LRRIQ3: variants seen among roughly 807,000 people sequenced by gnomAD.
LRRIQ3 encodes leucine rich repeats and IQ motif containing 3, also known as leucine-rich repeat and IQ domain-containing protein 3.
A neutral mutation model predicts 59.3 loss-of-function variants in LRRIQ3; 75 were observed. The observed-to-expected ratio is 1.26, with a 90% CI of 1.05 to 1.53. The LOEUF (loss-of-function observed/expected upper bound fraction) is 1.53. Among genes scored for constraint, LRRIQ3 ranks in the 40% most tolerant of loss-of-function variants. The pLI is 0.00. For synonymous variants in LRRIQ3, 250 were observed against 231.3 expected, an observed-to-expected ratio of 1.08 and a Z score of -0.73; for missense variants, 831 against 710.0, an observed-to-expected ratio of 1.17 and a Z score of -1.94.
At chr1:74,164,502 T>C (rs1648854434) in intron 3 of LRRIQ3, among the ~76,000 whole-genome samples, 1 of 151,472 alleles carries the variant, frequency 6.6e-6, no homozygotes. Flanking sequence ...TCCAGAATTG[T>C]AAATAAATAA....
At chr1:74,174,032 G>C (rs1362122862) in intron 3 of LRRIQ3, among the ~76,000 whole-genome samples, 1 of 151,922 alleles carries the variant, frequency 6.6e-6, no homozygotes, top group Non-Finnish European at 1.5e-5. Context: ...AGATTTTTGG[G>C]CTGCCTAAGT....
intron 7 of LRRIQ3, among the ~76,000 whole-genome samples, chr1:74,030,513 A>G (rs911503286): frequency 5.9e-5 from 9 of 152,100 alleles, no homozygotes; most frequent in African/African-American, 2.2e-4. Flanking sequence ...AATGGGGAAA[A>G]GATTCCCTAT....
chr1:74,027,063 T>C, intron 7 of LRRIQ3, 94 bp from the exon 8 acceptor site: 2 of 823,254 alleles, frequency 2.4e-6, no homozygotes, highest in Non-Finnish European at 3.6e-6. Context: ...ATTAGATGTC[T>C]TCGAAATAGG....
intron 5 of LRRIQ3, among the ~76,000 whole-genome samples, chr1:74,092,302 G>A (rs1646403162): frequency 6.6e-6 from 1 of 152,074 alleles, no homozygotes; most frequent in Non-Finnish European, 1.5e-5. Flanking sequence ...CCTGAGAGGT[G>A]AACAAACATA....
intron 4 of LRRIQ3, among the ~76,000 whole-genome samples, chr1:74,117,938 C>T (rs530503193): frequency 6.6e-6 from 1 of 151,814 alleles, no homozygotes; most frequent in South Asian, 2.1e-4. Flanking sequence ...TTGTCCCTAT[C>T]TTTTTATAAT....
At chr1:74,090,855 C>T (rs1166803599) in intron 5 of LRRIQ3, among the ~76,000 whole-genome samples, 1 of 151,952 alleles carries the variant, frequency 6.6e-6, no homozygotes, top group Admixed American at 6.6e-5. Flanking sequence ...GAATGTGTTA[C>T]TTCACTCCAG....
In LRRIQ3 at chr1:74,171,460, A is replaced by G. The variant is rs116594491; in HGVS notation, c.573+11078T>C. Among the ~76,000 whole-genome samples the G allele has an allele frequency of 3.0e-3, 462 of 152,280 alleles. 1 individual carries two copies. The highest frequency in any genetic ancestry group is 0.01 in the African/African-American group (436 of 41,568). ...TGGTGCATCACATTGATTGATTTGCATAGGTTGAACCATCCATGGCTCCCA... is the reference window on the plus strand; with the variant it reads ...TGGTGCATCACATTGATTGATTTGCGTAGGTTGAACCATCCATGGCTCCCA... On this transcript the variant is annotated intron_variant, in intron 3 of 7. Transcript: ENST00000354431.
intron 6 of LRRIQ3, among the ~76,000 whole-genome samples, chr1:74,053,850 CA>C (rs1166368001): frequency 2.0e-5 from 3 of 152,072 alleles, no homozygotes; most frequent in Non-Finnish European, 4.4e-5. Context: ...GGCCAAAATT[CA>C]AAACATTGAC....
chr1:74,167,844 CCTT>C (rs568274232), intron 3 of LRRIQ3, among the ~76,000 whole-genome samples: 76 of 151,908 alleles, frequency 5.0e-4, no homozygotes, highest in Non-Finnish European at 9.1e-4. Context: ...AAGAATTCCT[CCTT>C]GACTAATGGA....
chr1:74,047,718 T>C (rs1476412293), intron 6 of LRRIQ3, among the ~76,000 whole-genome samples: 1 of 152,008 alleles, frequency 6.6e-6, no homozygotes, highest in Non-Finnish European at 1.5e-5. Flanking sequence ...AATTTGTTGG[T>C]GTCTTGTTCT....
chr1:74,077,820 G>T (rs1461999321), intron 5 of LRRIQ3, among the ~76,000 whole-genome samples: 1 of 151,904 alleles, frequency 6.6e-6, no homozygotes, highest in Non-Finnish European at 1.5e-5. Flanking sequence ...TATATGTAAT[G>T]CAAGAAGGGA....
intron 6 of LRRIQ3, among the ~76,000 whole-genome samples, chr1:74,050,164 T>C (rs7547033): frequency 0.84 from 128,241 of 151,768 alleles, 55,048 homozygotes; most frequent in Non-Finnish European, 0.92. Flanking sequence ...CCTCATGATC[T>C]GCCCACCTCG....
intron 1 of LRRIQ3, among the ~76,000 whole-genome samples, chr1:74,189,283 A>C (rs1006670601): frequency 5.3e-5 from 8 of 152,254 alleles, no homozygotes; most frequent in African/African-American, 1.9e-4. Flanking sequence ...AAACTTCCTA[A>C]GGCTTAGGTT....
At position 74,183,086 on chromosome 1, in the gene LRRIQ3, C is replaced by T. The variant is rs142866268; in HGVS notation, c.250-225G>A. The T allele has an allele frequency of 1.7e-3, 572 of 343,616 alleles. 3 individuals are homozygous for T. The Admixed American group carries it at 0.02, about 12-fold the overall frequency. The allele number at this position is 343,616 out of a possible 1,614,324, so 21.3% of individuals were successfully genotyped here. A position where few individuals can be genotyped will look rare whatever the true frequency, so the allele number is the denominator to read the frequency against. ...ATTATTCGCATAGTAAAATGCATAA[C>T]CATACTTTTTTGTTCAAAGAAAATT... On this transcript the variant is annotated intron_variant, in intron 2 of 7. Transcript: ENST00000354431.
chr1:74,109,964 G>A (rs961960418), intron 4 of LRRIQ3, among the ~76,000 whole-genome samples: 3 of 151,462 alleles, frequency 2.0e-5, no homozygotes, highest in African/African-American at 7.3e-5. Context: ...AATTATATTT[G>A]TACTTCATTA....
chr1:74,078,710 T>C (rs71655426), intron 5 of LRRIQ3: 1 of 151,780 alleles, frequency 6.6e-6, no homozygotes, highest in African/African-American at 2.4e-5. Flanking sequence ...TCAGATGATT[T>C]TGGATAACCT....
At chr1:74,197,677 G>C (rs1199677295) in intron 1 of LRRIQ3, among the ~76,000 whole-genome samples, 1 of 151,872 alleles carries the variant, frequency 6.6e-6, no homozygotes, top group Non-Finnish European at 1.5e-5. Context: ...AGCCTACTAA[G>C]AAAAAACAGA....
chr1:74,133,335 C>G (rs1387863715), intron 4 of LRRIQ3, among the ~76,000 whole-genome samples: 1 of 152,044 alleles, frequency 6.6e-6, no homozygotes, highest in Non-Finnish European at 1.5e-5. Context: ...CTAGAAATAC[C>G]ATTTGACCCA....
At chr1:74,043,944 T>C (rs910179615) in intron 6 of LRRIQ3, among the ~76,000 whole-genome samples, 5 of 152,156 alleles carry the variant, frequency 3.3e-5, no homozygotes, top group African/African-American at 1.2e-4. Context: ...TATGCTGTTT[T>C]TCTTATCTGT....
Sources: gnomAD v4.1 joint callset for allele counts (sites outside exome capture counted in the v4.1 genomes callset) on GRCh38, gnomAD v4.1.1 for gene constraint, MANE v1.5 for transcripts, NCBI Gene and HGNC (gene_info 2026-07-23, HGNC 2026-07-21) for gene names.